ADAMTS12: variants seen among roughly 807,000 people sequenced by gnomAD.
The protein encoded by ADAMTS12 is A disintegrin and metalloproteinase with thrombospondin motifs 12.
ADAMTS12 carries 118 observed loss-of-function variants against 167.8 expected under a neutral mutation model. The observed-to-expected ratio is 0.70, with a 90% confidence interval of 0.61 to 0.82. The LOEUF (loss-of-function observed/expected upper bound fraction) is 0.82, where lower values mean the gene tolerates loss of function less well. Among genes scored for constraint, ADAMTS12 ranks in the 40% least tolerant of loss-of-function variants. The pLI is 0.00. For missense variants in ADAMTS12, 1,916 were observed against 1,998.8 expected, an observed-to-expected ratio of 0.96 and a Z score of 0.79; for synonymous variants, 704 against 716.9, an observed-to-expected ratio of 0.98 and a Z score of 0.29.
intron 22 of ADAMTS12, among the ~76,000 whole-genome samples, chr5:33,540,624 C>G (rs963004355): frequency 3.3e-5 from 5 of 152,216 alleles, no homozygotes; most frequent in Non-Finnish European, 5.9e-5. Flanking sequence ...AAGGATCAGG[C>G]AGCAATATTT....
At chr5:33,639,976 G>A (rs1740379382) in intron 11 of ADAMTS12, among the ~76,000 whole-genome samples, 1 of 152,152 alleles carries the variant, frequency 6.6e-6, no homozygotes, top group African/African-American at 2.4e-5. Context: ...TTAAGGTGAG[G>A]CTGGTTTTCT....
rs147458706 is a variant in ADAMTS12 at position 33,796,125 on chromosome 5, C to T, written c.490-44577G>A. Among the ~76,000 whole-genome samples the T allele has an allele frequency of 6.4e-3, 978 of 152,314 alleles. 8 individuals carry two copies. The highest frequency in any genetic ancestry group is 0.023 in the African/African-American group (946 of 41,578). The stretch of plus-strand genomic sequence containing the variant: ...ATAGGACAATAGATCATGGCACATA[C>T]GTACTGTGGATATGCTGCAGAATGT... On this transcript the variant is annotated intron_variant, in intron 2 of 23. Transcript: ENST00000504830.
In ADAMTS12 at chr5:33,546,223, G is replaced by A. The variant is rs534271617; in HGVS notation, c.4303-21C>T. The stretch of plus-strand genomic sequence containing the variant: ...GAGCACTGATACACAGCAGTGACAA[G>A]ATTAGGTAAAAGTCAGGTGGAGACA... On this transcript the variant is annotated intron_variant, in intron 21 of 23. Coordinates refer to ENST00000504830, the MANE Select transcript of ADAMTS12 (RefSeq NM_030955.4). 8 of 1,594,134 alleles carry A rather than the reference G, an allele frequency of 5.0e-6. No homozygotes were observed. The African/African-American group carries it at 9.4e-5, about 19-fold the overall frequency.
At chr5:33,624,005 T>C (rs1315140533) in intron 14 of ADAMTS12, among the ~76,000 whole-genome samples, 2 of 152,188 alleles carry the variant, frequency 1.3e-5, no homozygotes, top group Non-Finnish European at 2.9e-5. Context: ...ATTTCAGATC[T>C]CTATCTCACT....
chr5:33,796,971 T>C (rs562310386), intron 2 of ADAMTS12, among the ~76,000 whole-genome samples: 9 of 152,310 alleles, frequency 5.9e-5, no homozygotes, highest in African/African-American at 2.2e-4. Flanking sequence ...TCAAGGAAGC[T>C]TGACTTCTCT....
intron 13 of ADAMTS12, among the ~76,000 whole-genome samples, chr5:33,629,324 G>C (rs1183570389): frequency 6.6e-6 from 1 of 152,152 alleles, no homozygotes; most frequent in Admixed American, 6.6e-5. Context: ...AGGGGCAAGA[G>C]CTTGTCACAG....
intron 12 of ADAMTS12, among the ~76,000 whole-genome samples, chr5:33,633,529 C>T (rs1052362857): frequency 3.9e-4 from 59 of 151,966 alleles, no homozygotes; most frequent in Non-Finnish European, 1.5e-4. Flanking sequence ...TATAGGTGTG[C>T]CTCAGGCCTA....
At chr5:33,730,320 G>C (rs962021718) in intron 3 of ADAMTS12, among the ~76,000 whole-genome samples, 1 of 140,562 alleles carries the variant, frequency 7.1e-6, no homozygotes, top group African/African-American at 2.5e-5. Flanking sequence ...GTGTGTGTGT[G>C]TCTGTGTGTG....
At chr5:33,596,715 T>C (rs1195593230) in intron 16 of ADAMTS12, among the ~76,000 whole-genome samples, 1 of 152,206 alleles carries the variant, frequency 6.6e-6, no homozygotes, top group Non-Finnish European at 1.5e-5. Context: ...TGAAAGTAGA[T>C]ATCATCACCA....
At chr5:33,596,100 G>A (rs749475965) in intron 16 of ADAMTS12, 40 bp from the exon 17 acceptor site, 1 of 1,609,338 alleles carries the variant, frequency 6.2e-7, no homozygotes, top group Non-Finnish European at 8.5e-7. Flanking sequence ...ATTGAATCCT[G>A]AGCCCACATG....
intron 2 of ADAMTS12, among the ~76,000 whole-genome samples, chr5:33,755,990 C>A (rs1226704013): frequency 2.0e-5 from 3 of 152,268 alleles, no homozygotes; most frequent in South Asian, 2.1e-4. Context: ...TAAAATAGCA[C>A]CCCAAAAATT....
intron 3 of ADAMTS12, among the ~76,000 whole-genome samples, chr5:33,713,598 T>C (rs1743486004): frequency 6.6e-6 from 1 of 151,438 alleles, no homozygotes; most frequent in African/African-American, 2.4e-5. Flanking sequence ...GGGTTCCAAA[T>C]AAAGACAGGA....
chr5:33,673,124 T>C (rs948627472), intron 5 of ADAMTS12, among the ~76,000 whole-genome samples: 2 of 152,304 alleles, frequency 1.3e-5, no homozygotes, highest in Middle Eastern at 3.4e-3. Flanking sequence ...AACCTCTTCT[T>C]TCGAGATTCT....
chr5:33,611,239 A>C (rs1002294783), intron 16 of ADAMTS12, among the ~76,000 whole-genome samples: 1 of 152,230 alleles, frequency 6.6e-6, no homozygotes, highest in Non-Finnish European at 1.5e-5. Context: ...AACCATATAC[A>C]TGAGAATAAT....
chr5:33,592,372 C>T (rs1747688839), intron 17 of ADAMTS12, among the ~76,000 whole-genome samples: 1 of 152,156 alleles, frequency 6.6e-6, no homozygotes, highest in Admixed American at 6.5e-5. Context: ...TGGACTGAAA[C>T]CTACATGTAG....
intron 2 of ADAMTS12, among the ~76,000 whole-genome samples, chr5:33,834,146 G>A (rs546050276): frequency 6.6e-6 from 1 of 152,242 alleles, no homozygotes; most frequent in African/African-American, 2.4e-5. Flanking sequence ...TTGTTATAAG[G>A]ACAGCAGTCA....
chr5:33,778,622 A>T (rs1340993961), intron 2 of ADAMTS12, among the ~76,000 whole-genome samples: 1 of 151,410 alleles, frequency 6.6e-6, no homozygotes, highest in Non-Finnish European at 1.5e-5. Context: ...TCATTTTCTT[A>T]AAATATGAAC....
intron 2 of ADAMTS12, among the ~76,000 whole-genome samples, chr5:33,806,959 G>A (rs1032693369): frequency 1.3e-5 from 2 of 152,098 alleles, no homozygotes; most frequent in African/African-American, 4.8e-5. Flanking sequence ...CTGCCTCTAC[G>A]ATAGGTTAAA....
In ADAMTS12 at chr5:33,526,540, C is replaced by T. The variant is rs1743819283; in HGVS notation, c.*648G>A. ...GCTGTGTTTCTTATGCCTGTTTCCT[C>T]TTAGTCTAGTGTCCCAAGGTTGGCA... is the stretch of plus-strand genomic sequence containing the variant. On this transcript the variant is annotated 3_prime_UTR_variant, in exon 24 of 24. Transcript: ENST00000504830. 1 of 152,228 alleles carries T rather than the reference C, an allele frequency of 6.6e-6. No homozygotes were observed. Among genetic ancestry groups the T allele is most frequent in the Non-Finnish European group, 1.5e-5 (1 of 68,050 alleles). The allele number at this position is 152,228 out of a possible 1,614,324, so 9.4% of individuals were successfully genotyped here.
Sources: allele counts gnomAD v4.1 joint callset (sites outside exome capture counted in the v4.1 genomes callset), GRCh38; gene constraint gnomAD v4.1.1; transcripts MANE v1.5; gene names NCBI Gene and HGNC (gene_info 2026-07-23, HGNC 2026-07-21).